Variants in COMMD10 observed in about 807,000 individuals in gnomAD.
The protein encoded by COMMD10 is COMM domain-containing protein 10.
Under a neutral mutation model 28.9 loss-of-function variants are expected in COMMD10, and 33 were observed. That is an observed-to-expected ratio of 1.14 (90% CI 0.87 to 1.53). The LOEUF is 1.53. COMMD10 is among the 40% of genes most tolerant of loss of function. The pLI is 0.00. For missense variants in COMMD10, 310 were observed against 233.4 expected, an observed-to-expected ratio of 1.33 and a Z score of -2.14; for synonymous variants, 110 against 81.7, an observed-to-expected ratio of 1.35 and a Z score of -1.87.
At chr5:116,258,453 T>G (rs199663234) in intron 5 of COMMD10, among the ~76,000 whole-genome samples, 1 of 151,690 alleles carries the variant, frequency 6.6e-6, no homozygotes, top group East Asian at 1.9e-4. Flanking sequence ...GGATTGATTT[T>G]TTTTTGTTTT....
chr5:116,229,849 A>G (rs1395568481), intron 5 of COMMD10, among the ~76,000 whole-genome samples: 1 of 152,000 alleles, frequency 6.6e-6, no homozygotes, highest in Non-Finnish European at 1.5e-5. Flanking sequence ...ATTTAAGATG[A>G]AAAAACCCCC....
At chr5:116,188,655 A>G (rs1385923107) in intron 5 of COMMD10, 1 of 70,566 alleles carries the variant, frequency 1.4e-5, no homozygotes, top group Non-Finnish European at 2.3e-5. Flanking sequence ...TTTTTTTGAC[A>G]AGGTCTGGCT....
In COMMD10 at chr5:116,113,139, C is replaced by T. The variant is rs73271244; in HGVS notation, c.399+20439C>T. On this transcript the variant is annotated intron_variant, in intron 4 of 6. Transcript: ENST00000274458. ...GTTTTCTTTCACACTTTGATTATGT[C>T]GTCACATTTTTTCCTGCCTTGTAAG... 7.9e-3 allele frequency among the ~76,000 whole-genome samples: 1,205 copies of T among 152,216 alleles called. 17 individuals are homozygous for T. The highest frequency in any genetic ancestry group is 0.027 in the African/African-American group (1,108 of 41,520).
In COMMD10 at chr5:116,286,052, C is replaced by T. The variant is rs889765390; in HGVS notation, c.511-5465C>T. ...TTCAATCTCTGTATTCATTATTGAT[C>T]TGTTCATATTTTCTATTTATTCATG... On this transcript the variant is annotated intron_variant, in intron 5 of 6. Transcript: ENST00000274458. Among the ~76,000 whole-genome samples the T allele has an allele frequency of 4.4e-4, 67 of 151,638 alleles. 3 individuals are homozygous for T. The highest frequency in any genetic ancestry group is 8.5e-4 in the African/African-American group (35 of 41,114).
At chr5:116,098,814 A>C (rs2112719552) in intron 4 of COMMD10, among the ~76,000 whole-genome samples, 1 of 152,330 alleles carries the variant, frequency 6.6e-6, no homozygotes, top group East Asian at 1.9e-4. Context: ...CTTCTTTTTT[A>C]AGCTTTATCG....
At chr5:116,136,386 C>T (rs1752025365) in intron 5 of COMMD10, among the ~76,000 whole-genome samples, 1 of 152,140 alleles carries the variant, frequency 6.6e-6, no homozygotes. Flanking sequence ...TAGCTATATA[C>T]TTCCTTTGTT....
intron 5 of COMMD10, among the ~76,000 whole-genome samples, chr5:116,212,004 G>C (rs1748979124): frequency 6.6e-6 from 1 of 152,076 alleles, no homozygotes; most frequent in South Asian, 2.1e-4. Context: ...TCTTTGTGTT[G>C]ATTAAATGAG....
At chr5:116,164,370 T>G (rs1179707643) in intron 5 of COMMD10, among the ~76,000 whole-genome samples, 3 of 152,152 alleles carry the variant, frequency 2.0e-5, no homozygotes, top group Non-Finnish European at 1.5e-5. Context: ...ATTTCTATTT[T>G]GTATTTCTGG....
chr5:116,100,932 C>T (rs1246290145), intron 4 of COMMD10, among the ~76,000 whole-genome samples: 3 of 152,120 alleles, frequency 2.0e-5, no homozygotes, highest in Admixed American at 2.0e-4. Flanking sequence ...TCTGTCATTC[C>T]ACTTTTTACA....
chr5:116,151,238 A>C (rs2112552321), intron 5 of COMMD10, among the ~76,000 whole-genome samples: 1 of 151,496 alleles, frequency 6.6e-6, no homozygotes, highest in East Asian at 1.9e-4. Context: ...AAGCTTTTTG[A>C]TGTGCTGCTG....
intron 4 of COMMD10, among the ~76,000 whole-genome samples, chr5:116,124,018 G>A (rs759707327): frequency 3.3e-5 from 5 of 151,772 alleles, no homozygotes; most frequent in Non-Finnish European, 5.9e-5. Context: ...CAAAAAACTG[G>A]TTTCTGGATT....
At chr5:116,114,999 C>T (rs1751183386) in intron 4 of COMMD10, among the ~76,000 whole-genome samples, 1 of 152,116 alleles carries the variant, frequency 6.6e-6, no homozygotes, top group African/African-American at 2.4e-5. Context: ...CCATTTCCTA[C>T]ACAGGCCCCA....
chr5:116,182,666 C>A (rs1272020053), intron 5 of COMMD10, among the ~76,000 whole-genome samples: 1 of 151,952 alleles, frequency 6.6e-6, no homozygotes, highest in Non-Finnish European at 1.5e-5. Context: ...TATACAAATA[C>A]TAAAAAATTA....
chr5:116,254,663 T>C lies in COMMD10; in HGVS notation c.511-36854T>C, dbSNP rs796284333. On this transcript the variant is annotated intron_variant, in intron 5 of 6. Transcript: ENST00000274458. The stretch of plus-strand genomic sequence containing the variant: ...TTTGATTGCACTGTGGTCTGAGAGA[T>C]AGTTTGTTATAATTTCTGATCTTTT... 1.3e-4 allele frequency among the ~76,000 whole-genome samples: 20 copies of C among 151,844 alleles called. No individual in the cohort carries two copies. The South Asian group carries it at 3.7e-3, about 28-fold the overall frequency.
rs967787817 is a variant in COMMD10 at position 116,154,897 on chromosome 5, G to A, written c.510+20719G>A. Reference sequence around the variant, plus strand: ...TCAGAGACAAGGCTGTTCTTGAGAGGGAGCGGGAGTGCTTTGGGAAAGTAC... The same window carrying A: ...TCAGAGACAAGGCTGTTCTTGAGAGAGAGCGGGAGTGCTTTGGGAAAGTAC... On this transcript the variant is annotated intron_variant, in intron 5 of 6. Coordinates refer to ENST00000274458, the MANE Select transcript of COMMD10 (RefSeq NM_016144.4). 3.3e-5 allele frequency among the ~76,000 whole-genome samples: 5 copies of A among 152,128 alleles called. No homozygotes were observed. In the South Asian group the frequency reaches 6.2e-4, roughly 19 times the overall value.
chr5:116,130,475 A>T (rs944923847), intron 4 of COMMD10, among the ~76,000 whole-genome samples: 17 of 152,110 alleles, frequency 1.1e-4, no homozygotes, highest in Admixed American at 7.2e-4. Flanking sequence ...TTGTTATGTC[A>T]GTCATTCTTA....
chr5:116,171,420 C>T (rs755714661), intron 5 of COMMD10, among the ~76,000 whole-genome samples: 87 of 152,082 alleles, frequency 5.7e-4, no homozygotes, highest in East Asian at 1.2e-3. Flanking sequence ...GACAGTGTGG[C>T]GATTCCTCAG....
chr5:116,270,877 T>G (rs1750734420), intron 5 of COMMD10, among the ~76,000 whole-genome samples: 1 of 149,404 alleles, frequency 6.7e-6, no homozygotes, highest in African/African-American at 2.5e-5. Context: ...AGGTGGAGGT[T>G]GCAGTCAGCC....
chr5:116,179,404 C>T (rs1006137559), intron 5 of COMMD10, among the ~76,000 whole-genome samples: 4 of 152,084 alleles, frequency 2.6e-5, no homozygotes, highest in East Asian at 1.9e-4. Context: ...AGACTAAGAA[C>T]GCAGGTTTCC....
Sources: allele counts gnomAD v4.1 joint callset (sites outside exome capture counted in the v4.1 genomes callset), GRCh38; gene constraint gnomAD v4.1.1; transcripts MANE v1.5; gene names NCBI Gene and HGNC (gene_info 2026-07-23, HGNC 2026-07-21).